KRT7: variants seen among roughly 807,000 people sequenced by gnomAD.
The protein encoded by KRT7 is keratin 7.
In KRT7, 50 loss-of-function variants were observed where a neutral mutation model predicts 42.8. The ratio of observed to expected loss-of-function variants is 1.17; its 90% CI spans 0.93 to 1.48. The LOEUF is 1.48. Among genes scored for constraint, KRT7 ranks in the 40% most tolerant of loss-of-function variants. KRT7 has a pLI of 0.00. For synonymous variants in KRT7, 268 were observed against 266.3 expected (o/e 1.01, Z -0.06); for missense variants, 588 against 637.6 (o/e 0.92, Z 0.84).
intron 4 of KRT7, among the ~76,000 whole-genome samples, chr12:52,239,407 T>C (rs979729763): frequency 6.6e-6 from 1 of 152,222 alleles, no homozygotes; most frequent in African/African-American, 2.4e-5. Flanking sequence ...TTTGCTGACC[T>C]AAGCCAATTT....
chr12:52,251,576 GCAAC>G (rs1942267246), downstream of KRT7, among the ~76,000 whole-genome samples: 2 of 152,282 alleles, frequency 1.3e-5, no homozygotes, highest in Non-Finnish European at 2.9e-5. Flanking sequence ...AAGACTAAAG[GCAAC>G]TGTAACACCA....
chr12:52,237,622 G>C (rs1364305283), intron 3 of KRT7, 53 bp downstream of exon 3: 1 of 1,471,484 alleles, frequency 6.8e-7, no homozygotes, highest in Non-Finnish European at 9.4e-7. Context: ...TGGGACAAAG[G>C]ACCACAGGAT....
intron 2 of KRT7, among the ~76,000 whole-genome samples, chr12:52,235,654 C>A (rs985003519): frequency 6.6e-6 from 1 of 152,206 alleles, no homozygotes; most frequent in East Asian, 1.9e-4. Flanking sequence ...CTGACCAAGG[C>A]CCCGAGAGAG....
At chr12:52,251,195 A>T (rs1942261804), downstream of KRT7, among the ~76,000 whole-genome samples, 4 of 151,918 alleles carry the variant, frequency 2.6e-5, no homozygotes, top group Admixed American at 2.0e-4. Context: ...GGCCAGGCTG[A>T]TCTCAAACTC....
downstream of KRT7, chr12:52,252,464 G>A (rs367898812): frequency 9.7e-4 from 1,561 of 1,613,992 alleles, 4 homozygotes; most frequent in Middle Eastern, 2.2e-3. Flanking sequence ...GGGCCACCGC[G>A]GCCTCCAGCT....
downstream of KRT7, chr12:52,253,157 C>G (rs3741722): frequency 0.51 from 783,998 of 1,531,586 alleles, 203,938 homozygotes; most frequent in South Asian, 0.67. Flanking sequence ...AAATCCCTCT[C>G]CTGAGGGCTA....
At chr12:52,253,799 G>T, downstream of KRT7, 1 of 632,258 alleles carries the variant, frequency 1.6e-6, no homozygotes. Context: ...GAGCTTCTTA[G>T]ACCAGAGCCC....
chr12:52,252,381 T>C (rs767483362), downstream of KRT7: 2 of 1,614,034 alleles, frequency 1.2e-6, no homozygotes, highest in African/African-American at 2.7e-5. Flanking sequence ...CTTGGCCTTC[T>C]GCAGGGCACC....
intron 5 of KRT7, among the ~76,000 whole-genome samples, chr12:52,242,242 G>T (rs1054925851): frequency 2.0e-5 from 3 of 152,118 alleles, no homozygotes. Context: ...CAAAGTGCTG[G>T]GATTATAGGC....
chr12:52,233,379 C>A lies in KRT7; in HGVS notation c.83C>A (p.Ser28Tyr). 6.4e-7 allele frequency: 1 copy of A among 1,570,010 alleles called. No homozygotes were observed. The highest frequency in any genetic ancestry group is 1.2e-5 in the South Asian group (1 of 85,916). Residue 28 changes from serine (S) to tyrosine (Y), a missense_variant, in exon 1 of 9, where the codon TCC becomes TAC. Ser to Tyr is a moderately radical substitution (Grantham distance 144, BLOSUM62 -2). Transcript: ENST00000331817. ...CGCGGCGCCCAGGTGCGCCTGAGCT[C>A]CGCTCGCCCCGGCGGCCTTGGCAGC... ...SGRGAQVRLSSARPGGLGSSS... is the reference protein window; with the variant it reads ...SGRGAQVRLSYARPGGLGSSS...
intron 6 of KRT7, chr12:52,244,510 C>G: frequency 1.0e-6 from 1 of 985,802 alleles, no homozygotes; most frequent in Non-Finnish European, 1.2e-6. Context: ...GAGCTGTGGC[C>G]GAGGGGCAGA....
downstream of KRT7, among the ~76,000 whole-genome samples, chr12:52,251,067 C>T (rs1942260120): frequency 6.6e-6 from 1 of 152,202 alleles, no homozygotes; most frequent in African/African-American, 2.4e-5. Flanking sequence ...GCAACCTCTG[C>T]CTCCTGGGTT....
chr12:52,237,471 G>A (rs753726660), intron 2 of KRT7, 38 bp from the exon 3 acceptor site: 3 of 1,502,990 alleles, frequency 2.0e-6, no homozygotes, highest in Admixed American at 3.5e-5. Flanking sequence ...GAGCATGGAG[G>A]CAAAGCTGCA....
rs1202496423 is a variant in KRT7, at chr12:52,237,721, C to CGT, written c.597+155_597+156dup. The CGT allele has an allele frequency of 1.5e-3, 493 of 323,004 alleles. 3 individuals are homozygous for CGT. The highest frequency in any genetic ancestry group is 0.014 in the African/African-American group (418 of 29,282). The allele number at this position is 323,004 out of a possible 1,614,324, so 20.0% of individuals were successfully genotyped here. A position where few individuals can be genotyped will look rare whatever the true frequency, so the allele number is the denominator to read the frequency against. On this transcript the variant is annotated intron_variant, in intron 3 of 8. Coordinates refer to ENST00000331817, the MANE Select transcript of KRT7 (RefSeq NM_005556.4). The stretch of plus-strand genomic sequence containing the variant: ...GTCTGCACAGCCTGTCCTGTGGGTG[C>CGT]GTGTATGTGTGTGTGTGTGTGTGTG...
chr12:52,238,283 C>T (rs566133429), intron 3 of KRT7, among the ~76,000 whole-genome samples: 2 of 152,206 alleles, frequency 1.3e-5, no homozygotes, highest in South Asian at 2.1e-4. Context: ...TTTTCCATCT[C>T]TGGGAGCGGG....
chr12:52,233,672 A>T lies in KRT7; in HGVS notation c.324+52A>T, dbSNP rs750812062. On this transcript the variant is annotated intron_variant, in intron 1 of 8. Coordinates refer to ENST00000331817, the MANE Select transcript of KRT7 (RefSeq NM_005556.4). The stretch of plus-strand genomic sequence containing the variant: ...CTCGAGCCGCGCTCCAGACCACACC[A>T]GCCGCCCTAACTAGCCCTGCCTGCG... The T allele has an allele frequency of 2.5e-6, 4 of 1,581,254 alleles. No individual in the cohort carries two copies. The South Asian group carries it at 4.4e-5, about 18-fold the overall frequency.
At chr12:52,245,260 T>C (rs1190610392) in intron 6 of KRT7, 152 bp from the exon 7 acceptor site, 1 of 711,632 alleles carries the variant, frequency 1.4e-6, no homozygotes, top group South Asian at 1.7e-5. Context: ...TCCAAACCTA[T>C]GTGTTTAACC....
At chr12:52,250,603 G>C (rs1435268746), downstream of KRT7, 6 of 1,185,290 alleles carry the variant, frequency 5.1e-6, no homozygotes, top group South Asian at 7.8e-5. Context: ...GACACGCACA[G>C]GTCCCCGCAT....
intron 5 of KRT7, 86 bp from the exon 6 acceptor site, chr12:52,242,926 G>A (rs1418495227): frequency 7.0e-7 from 1 of 1,433,544 alleles, no homozygotes. Flanking sequence ...AATATAAGTT[G>A]GGAGGGGCCT....
Sources: gnomAD v4.1 joint callset for allele counts (sites outside exome capture counted in the v4.1 genomes callset) on GRCh38, gnomAD v4.1.1 for gene constraint, MANE v1.5 for transcripts, NCBI Gene and HGNC (gene_info 2026-07-23, HGNC 2026-07-21) for gene names.